SLC12A2: variants seen among roughly 807,000 people sequenced by gnomAD.
The protein encoded by SLC12A2 is Na-K-2Cl cotransporter 1.
In SLC12A2, 67 loss-of-function variants were observed where a neutral mutation model predicts 136.3. The ratio of observed to expected loss-of-function variants is 0.49; its 90% CI spans 0.40 to 0.60. The LOEUF is 0.60. Ranked by LOEUF, SLC12A2 falls within the 20% of genes least tolerant of loss-of-function variation. SLC12A2 has a pLI of 0.00. For synonymous variants in SLC12A2, 619 were observed against 562.9 expected (o/e 1.10, Z -1.41); for missense variants, 1,322 against 1,534.7 (o/e 0.86, Z 2.32).
chr5:128,120,579 AATC>A (rs1761523590), intron 4 of SLC12A2, among the ~76,000 whole-genome samples: 1 of 151,264 alleles, frequency 6.6e-6, no homozygotes, highest in Admixed American at 6.6e-5. Flanking sequence ...TGAAATTGGA[AATC>A]ATCATTCTCA....
chr5:128,084,779 A>G lies in SLC12A2; in HGVS notation c.756+69A>G. ...TGCCGACCGCGGGATGTGGCTGCAG[A>G]CTCTTCCCGAGTTGAGGTGGCGGGA... is the stretch of plus-strand genomic sequence containing the variant. On this transcript the variant is annotated intron_variant, in intron 1 of 26. Transcript: ENST00000262461. This position sits in a 1 kb window ranked among gnomAD's most constrained non-coding sequence, Gnocchi z 5.6. 6.9e-7 allele frequency: 1 copy of G among 1,450,388 alleles called. No homozygotes were observed. Among genetic ancestry groups the G allele is most frequent in the Non-Finnish European group, 9.2e-7 (1 of 1,092,508 alleles). The allele number at this position is 1,450,388 out of a possible 1,614,324, so 89.8% of individuals were successfully genotyped here. A position where few individuals can be genotyped will look rare whatever the true frequency, so the allele number is the denominator to read the frequency against.
intron 1 of SLC12A2, among the ~76,000 whole-genome samples, chr5:128,090,948 A>C (rs534545504): frequency 1.3e-5 from 2 of 152,322 alleles, no homozygotes; most frequent in East Asian, 3.9e-4. Flanking sequence ...AGGGGAAGGC[A>C]TTGTAGGGTT....
intron 1 of SLC12A2, chr5:128,110,326 T>C (rs1299775284): frequency 1.4e-5 from 13 of 901,670 alleles, no homozygotes; most frequent in African/African-American, 1.3e-4. Flanking sequence ...TTAGAAACCA[T>C]GGGCTGGGTA....
chr5:128,130,404 A>T (rs964688923), intron 4 of SLC12A2, among the ~76,000 whole-genome samples: 2 of 151,482 alleles, frequency 1.3e-5, no homozygotes, highest in African/African-American at 4.9e-5. Flanking sequence ...AGTTCCAGCT[A>T]CTCAGGAGGC....
In SLC12A2 at chr5:128,135,827, A is replaced by G. The variant is rs756405226; in HGVS notation, c.1408+19A>G. The G allele has an allele frequency of 1.5e-5, 20 of 1,330,036 alleles. No homozygotes were observed. Among genetic ancestry groups the G allele is most frequent in the Non-Finnish European group, 2.0e-5 (19 of 927,944 alleles). 82.4% of individuals were successfully genotyped at this position (1,330,036 alleles called of 1,614,324 possible). A position where few individuals can be genotyped will look rare whatever the true frequency, so the allele number is the denominator to read the frequency against. ...TATAAATGTAAGTAAAAAAGATTCA[A>G]TATTTTTTAAGGGTACCTATTTATA... On this transcript the variant is annotated intron_variant, in intron 7 of 26. Transcript: ENST00000262461.
At chr5:128,158,000 T>C in intron 15 of SLC12A2, 53 bp from the exon 16 acceptor site, 2 of 1,466,706 alleles carry the variant, frequency 1.4e-6, no homozygotes, top group Non-Finnish European at 1.9e-6. Context: ...TAAAATCTTG[T>C]TGCCAGAAAC....
intron 17 of SLC12A2, among the ~76,000 whole-genome samples, chr5:128,165,922 C>T (rs1379068708): frequency 8.2e-6 from 1 of 121,252 alleles, no homozygotes; most frequent in African/African-American, 3.2e-5. Flanking sequence ...TTTACCTCCC[C>T]CCCCCCCCCC....
At chr5:128,128,474 AT>A (rs985650621) in intron 4 of SLC12A2, among the ~76,000 whole-genome samples, 2 of 152,002 alleles carry the variant, frequency 1.3e-5, no homozygotes, top group East Asian at 1.9e-4. Context: ...TGATCAACAG[AT>A]TTTTTTAATA....
chr5:128,159,700 CACCAGTTAG>C (rs982196423), intron 16 of SLC12A2, among the ~76,000 whole-genome samples: 2 of 152,174 alleles, frequency 1.3e-5, no homozygotes, highest in African/African-American at 4.8e-5. Flanking sequence ...TGCCATCTCA[CACCAGTTAG>C]AAGGGCAATC....
chr5:128,096,222 G>A (rs960220845), intron 1 of SLC12A2, among the ~76,000 whole-genome samples: 1 of 152,008 alleles, frequency 6.6e-6, no homozygotes, highest in African/African-American at 2.4e-5. Context: ...TAGGAAAGAT[G>A]AGGTATTAGG....
intron 9 of SLC12A2, among the ~76,000 whole-genome samples, chr5:128,139,242 A>C (rs892933584): frequency 6.6e-6 from 1 of 151,946 alleles, no homozygotes; most frequent in Non-Finnish European, 1.5e-5. Flanking sequence ...CACTCTTACA[A>C]ATTTCTGTAT....
At chr5:128,157,877 T>C (rs1450921654) in intron 15 of SLC12A2, 176 bp from the exon 16 acceptor site, 1 of 524,928 alleles carries the variant, frequency 1.9e-6, no homozygotes, top group Non-Finnish European at 3.3e-6. Flanking sequence ...CAAGATTTTG[T>C]TTCTGCATTT....
chr5:128,169,453 T>G, intron 18 of SLC12A2: 1 of 152,178 alleles, frequency 6.6e-6, no homozygotes, highest in Admixed American at 6.5e-5. Flanking sequence ...GATCTCATAC[T>G]CTACTTTTTA....
At chr5:128,180,245 C>G (rs1443694079) in intron 22 of SLC12A2, among the ~76,000 whole-genome samples, 2 of 152,038 alleles carry the variant, frequency 1.3e-5, no homozygotes, top group Non-Finnish European at 1.5e-5. Flanking sequence ...GCTGGGATTA[C>G]AGGTGTGAGC....
intron 17 of SLC12A2, among the ~76,000 whole-genome samples, chr5:128,163,464 G>A (rs1261017692): frequency 1.3e-5 from 2 of 152,164 alleles, no homozygotes; most frequent in Non-Finnish European, 2.9e-5. Context: ...CTGAGGCAGA[G>A]GTTGCAGTGA....
At chr5:128,152,981 A>G (rs986314658) in intron 15 of SLC12A2, among the ~76,000 whole-genome samples, 176 bp downstream of exon 15, 2 of 152,198 alleles carry the variant, frequency 1.3e-5, no homozygotes, top group Admixed American at 1.3e-4. Flanking sequence ...AAATGTTATG[A>G]GGGTTTTGGA....
Position 128,107,485 on chromosome 5 carries a change from C to T in SLC12A2, c.757-5329C>T, listed in dbSNP as rs1216561425. 2.0e-5 allele frequency among the ~76,000 whole-genome samples: 3 copies of T among 152,146 alleles called. No individual in the cohort carries two copies. In the East Asian group the frequency reaches 5.8e-4, roughly 29 times the overall value. On this transcript the variant is annotated intron_variant, in intron 1 of 26. Coordinates refer to ENST00000262461, the MANE Select transcript of SLC12A2 (RefSeq NM_001046.3). ...AGACCCCAGTGTGTGATGTTCCCCT[C>T]ACTGTGTCCATGTGTTCTCATTGTT...
Position 128,186,849 on chromosome 5 carries a change from C to G in SLC12A2, c.*218C>G, listed in dbSNP as rs1763885724. 2.4e-6 allele frequency: 1 copy of G among 412,180 alleles called. No individual in the cohort carries two copies. The highest frequency in any genetic ancestry group is 4.3e-6 in the Non-Finnish European group (1 of 231,612). The allele number at this position is 412,180 out of a possible 1,614,324, so 25.5% of individuals were successfully genotyped here. On this transcript the variant is annotated 3_prime_UTR_variant, in exon 27 of 27. Transcript: ENST00000262461. ...TATCTCAATCTTAATGGTGATTCTT[C>G]TCTGTTGAACTGAAGTTTGTGAGAG...
At chr5:128,124,606 A>G (rs541663765) in intron 4 of SLC12A2, among the ~76,000 whole-genome samples, 2 of 152,338 alleles carry the variant, frequency 1.3e-5, no homozygotes, top group South Asian at 2.1e-4. Context: ...CAGAGCTTCC[A>G]TGACCTCTCC....
Sources: gnomAD v4.1 joint callset for allele counts (sites outside exome capture counted in the v4.1 genomes callset) on GRCh38, gnomAD v4.1.1 for gene constraint, Gnocchi (gnomAD v3.1) non-coding constraint, MANE v1.5 for transcripts, NCBI Gene and HGNC (gene_info 2026-07-23, HGNC 2026-07-21) for gene names.